The following KPNA1 variants were observed in gnomAD, a reference collection of about 807,000 sequenced individuals.
KPNA1 encodes importin subunit alpha-5.
A neutral mutation model predicts 70.5 loss-of-function variants in KPNA1; 10 were observed. The observed-to-expected ratio is 0.14, with a 90% CI of 0.09 to 0.24. KPNA1 has a LOEUF of 0.24. KPNA1 is among the 10% of genes least tolerant of loss of function. The pLI is 1.00. For missense variants in KPNA1, 397 were observed against 637.9 expected, an observed-to-expected ratio of 0.62 and a Z score of 4.07; for synonymous variants, 192 against 221.9, an observed-to-expected ratio of 0.87 and a Z score of 1.20.
chr3:122,460,176 TG>T lies in KPNA1; in HGVS notation c.432+1047del, dbSNP rs1576308149. The T allele has an allele frequency of 7.1e-6, 7 of 985,384 alleles. No homozygotes were observed. The East Asian group carries it at 7.9e-4, about 112-fold the overall frequency. 61.0% of individuals were successfully genotyped at this position (985,384 alleles called of 1,614,324 possible). A position where few individuals can be genotyped will look rare whatever the true frequency, so the allele number is the denominator to read the frequency against. ...TACAGGTGAGAATTTAGGGATCACA[TG>T]TATTTGTAACTAATAAAGGCACTGA... On this transcript the variant is annotated intron_variant, in intron 5 of 13. Coordinates refer to ENST00000344337, the MANE Select transcript of KPNA1 (RefSeq NM_002264.4).
Position 122,449,680 on chromosome 3 carries a change from G to A in KPNA1, c.811C>T (p.Leu271=). Residue 271 remains leucine (L), a synonymous_variant, in exon 9 of 14, where the codon CTG becomes TTG. Coordinates refer to ENST00000344337, the MANE Select transcript of KPNA1 (RefSeq NM_002264.4). ...GAGAGGGCCCAGCAGGCATCAGCCAGTACATCAGTGTCACTGACAAACAGC... is the reference window on the plus strand; with the variant it reads ...GAGAGGGCCCAGCAGGCATCAGCCAATACATCAGTGTCACTGACAAACAGC... ...WLLFVSDTDV[L]ADACWALSYL... The A allele has an allele frequency of 6.2e-7, 1 of 1,613,804 alleles. No individual in the cohort carries two copies. Among genetic ancestry groups the A allele is most frequent in the Non-Finnish European group, 8.5e-7 (1 of 1,179,838 alleles).
At chr3:122,505,971 T>C (rs919655281) in intron 1 of KPNA1, among the ~76,000 whole-genome samples, 1 of 152,242 alleles carries the variant, frequency 6.6e-6, no homozygotes, top group Non-Finnish European at 1.5e-5. Flanking sequence ...CTTCAATGGA[T>C]AAGGAACTAC....
At chr3:122,448,073 CGTCATCAT>C (rs1183147465) in intron 9 of KPNA1, among the ~76,000 whole-genome samples, 1 of 151,930 alleles carries the variant, frequency 6.6e-6, no homozygotes, top group Non-Finnish European at 1.5e-5. Flanking sequence ...TACTATCTCA[CGTCATCAT>C]TAAAAAGTCA....
intron 12 of KPNA1, chr3:122,432,524 A>T (rs1004766818): frequency 6.6e-6 from 1 of 152,224 alleles, no homozygotes; most frequent in Admixed American, 6.5e-5. Flanking sequence ...GCAACAATGT[A>T]AGTAGTAGCT....
chr3:122,459,416 A>C (rs1191043773), intron 5 of KPNA1: 4 of 985,146 alleles, frequency 4.1e-6, no homozygotes, highest in Non-Finnish European at 4.8e-6. Flanking sequence ...TTTTTTCAGC[A>C]TGAACAAAAT....
At chr3:122,451,486 CTT>C (rs753722818) in intron 8 of KPNA1, 46 bp downstream of exon 8, 1 of 1,045,800 alleles carries the variant, frequency 9.6e-7, no homozygotes, top group Non-Finnish European at 1.4e-6. Flanking sequence ...TTGCAATACT[CTT>C]TTAATTGTAT....
chr3:122,469,820 A>G (rs982456743), intron 2 of KPNA1, among the ~76,000 whole-genome samples: 1 of 152,260 alleles, frequency 6.6e-6, no homozygotes, highest in African/African-American at 2.4e-5. Flanking sequence ...ATGAATAAAG[A>G]TAAGAATGAT....
intron 2 of KPNA1, among the ~76,000 whole-genome samples, chr3:122,481,516 G>A (rs149835185): frequency 1.1e-3 from 171 of 152,328 alleles, no homozygotes; most frequent in African/African-American, 3.8e-3. Context: ...GGGGTCCTAA[G>A]CGGGGAGCAG....
At chr3:122,482,164 G>A (rs35450601) in intron 2 of KPNA1, among the ~76,000 whole-genome samples, 6,474 of 152,320 alleles carry the variant, frequency 0.043, 197 homozygotes, top group Non-Finnish European at 0.064. Context: ...ACGCCTAGGC[G>A]ATATGATATG....
intron 1 of KPNA1, among the ~76,000 whole-genome samples, chr3:122,513,018 G>C (rs961134486): frequency 1.3e-5 from 2 of 152,118 alleles, no homozygotes; most frequent in Admixed American, 1.3e-4. Context: ...AGTGAGTTTT[G>C]ATCGCGACTA....
chr3:122,434,444 C>G (rs1232812913), intron 11 of KPNA1, among the ~76,000 whole-genome samples: 2 of 131,584 alleles, frequency 1.5e-5, no homozygotes, highest in African/African-American at 5.0e-5. Flanking sequence ...TGCGAAAACT[C>G]TCTAGTCCTC....
intron 11 of KPNA1, among the ~76,000 whole-genome samples, 158 bp downstream of exon 11, chr3:122,437,012 G>A (rs1369777321): frequency 3.9e-5 from 6 of 152,102 alleles, no homozygotes; most frequent in African/African-American, 9.7e-5. Context: ...ACTCCTGACC[G>A]CAAGTGATCC....
chr3:122,474,161 CTA>C (rs971058569), intron 2 of KPNA1, among the ~76,000 whole-genome samples: 6 of 152,026 alleles, frequency 3.9e-5, no homozygotes, highest in Admixed American at 3.3e-4. Flanking sequence ...TACGAGATTT[CTA>C]TGAGGAAAAC....
chr3:122,470,942 A>G (rs920833405), intron 2 of KPNA1, among the ~76,000 whole-genome samples: 1 of 152,218 alleles, frequency 6.6e-6, no homozygotes, highest in Non-Finnish European at 1.5e-5. Flanking sequence ...GTCTAAGTGC[A>G]CCAATTAAAA....
At chr3:122,505,434 A>T (rs2076880656) in intron 1 of KPNA1, among the ~76,000 whole-genome samples, 1 of 152,192 alleles carries the variant, frequency 6.6e-6, no homozygotes, top group Non-Finnish European at 1.5e-5. Flanking sequence ...AAAGAAAGGA[A>T]ATAAATCTCT....
At chr3:122,451,869 C>T (rs1036193092) in intron 7 of KPNA1, 107 bp downstream of exon 7, 19 of 782,022 alleles carry the variant, frequency 2.4e-5, no homozygotes, top group Non-Finnish European at 3.4e-5. Flanking sequence ...TTAAAAATAA[C>T]ACTAGAAAAT....
chr3:122,501,238 A>G (rs937216503), intron 1 of KPNA1, among the ~76,000 whole-genome samples: 67 of 152,072 alleles, frequency 4.4e-4, no homozygotes, highest in African/African-American at 1.6e-3. Flanking sequence ...CATGTTGGCC[A>G]GGCTGGTCAA....
In KPNA1 at chr3:122,436,313, C is replaced by T. The variant is rs560782112; in HGVS notation, c.1122+857G>A. Among the ~76,000 whole-genome samples the T allele has an allele frequency of 6.6e-5, 10 of 152,256 alleles. No homozygotes were observed. The South Asian group carries it at 1.5e-3, about 22-fold the overall frequency. On this transcript the variant is annotated intron_variant, in intron 11 of 13. Transcript: ENST00000344337. Reference sequence around the variant, plus strand: ...GAAACCTCATTAGCAATTTTAATTTCGCCCCGTGCTCTGCCATTTGCCTTG... The same window carrying T: ...GAAACCTCATTAGCAATTTTAATTTTGCCCCGTGCTCTGCCATTTGCCTTG...
chr3:122,430,688 CAAAA>C (rs2075892618), intron 12 of KPNA1, among the ~76,000 whole-genome samples: 1 of 152,060 alleles, frequency 6.6e-6, no homozygotes. Context: ...CACACCCGCA[CAAAA>C]ACAGTCAACT....
Sources: allele counts gnomAD v4.1 joint callset (sites outside exome capture counted in the v4.1 genomes callset), GRCh38; gene constraint gnomAD v4.1.1; transcripts MANE v1.5; gene names NCBI Gene and HGNC (gene_info 2026-07-23, HGNC 2026-07-21).